The following SAMD8 variants were observed in gnomAD, a reference collection of about 807,000 sequenced individuals.
SAMD8 encodes sphingomyelin synthase-related protein 1.
SAMD8 carries 20 observed loss-of-function variants against 42.0 expected under a neutral mutation model. The observed-to-expected ratio is 0.48, with a 90% confidence interval of 0.34 to 0.69. The LOEUF (loss-of-function observed/expected upper bound fraction) is 0.69. SAMD8 is among the 30% of genes least tolerant of loss of function. SAMD8 has a pLI of 0.01. For synonymous variants in SAMD8, 162 were observed against 173.0 expected (o/e 0.94, Z 0.50); for missense variants, 328 against 511.6 (o/e 0.64, Z 3.46).
intron 1 of SAMD8, among the ~76,000 whole-genome samples, chr10:75,144,942 G>A (rs1015469848): frequency 8.5e-5 from 13 of 152,098 alleles, no homozygotes; most frequent in Non-Finnish European, 5.9e-5. Flanking sequence ...TGCAACCAGC[G>A]CCCTTGAATT....
intron 1 of SAMD8, among the ~76,000 whole-genome samples, chr10:75,130,815 C>T (rs551062917): frequency 2.8e-4 from 43 of 152,260 alleles, no homozygotes; most frequent in Non-Finnish European, 5.0e-4. Flanking sequence ...CTTAACTTTT[C>T]TGTGCCTTCA....
Position 75,178,723 on chromosome 10 carries a change from C to G in SAMD8, c.*2031C>G, listed in dbSNP as rs1481593174. The G allele has an allele frequency of 6.6e-6, 1 of 152,180 alleles. No individual in the cohort carries two copies. The highest frequency in any genetic ancestry group is 1.5e-5 in the Non-Finnish European group (1 of 68,096). 9.4% of individuals were successfully genotyped at this position (152,180 alleles called of 1,614,324 possible). A position where few individuals can be genotyped will look rare whatever the true frequency, so the allele number is the denominator to read the frequency against. On this transcript the variant is annotated 3_prime_UTR_variant, in exon 6 of 6. Coordinates refer to ENST00000542569, the MANE Select transcript of SAMD8 (RefSeq NM_001174156.2). ...CTGCATTCCAGCCCGGGCAAGGTAG[C>G]AAGACCCATTCTCTTAAAAACATGG... is the stretch of plus-strand genomic sequence containing the variant.
chr10:75,138,958 CTTT>C (rs201911661), intron 1 of SAMD8, among the ~76,000 whole-genome samples: 1 of 133,306 alleles, frequency 7.5e-6, no homozygotes. Context: ...GTGGTTTTTT[CTTT>C]TTTTTTTTTT....
Position 75,111,688 on chromosome 10 carries a change from A to T in SAMD8, c.-50A>T. On this transcript the variant is annotated 5_prime_UTR_variant, in exon 1 of 6. Transcript: ENST00000542569. ...GACGGCGGCTCGGACGCCGACTCGGAGGTGGGTCCGGGGAGCCCGACTCGG... is the reference window on the plus strand; with the variant it reads ...GACGGCGGCTCGGACGCCGACTCGGTGGTGGGTCCGGGGAGCCCGACTCGG... 1 of 1,237,350 alleles carries T rather than the reference A, an allele frequency of 8.1e-7. No individual in the cohort carries two copies. The highest frequency in any genetic ancestry group is 1.0e-6 in the Non-Finnish European group (1 of 990,868). The allele number at this position is 1,237,350 out of a possible 1,614,324, so 76.6% of individuals were successfully genotyped here.
intron 1 of SAMD8, among the ~76,000 whole-genome samples, chr10:75,119,318 C>G (rs1190940853): frequency 6.6e-6 from 1 of 152,076 alleles, no homozygotes; most frequent in African/African-American, 2.4e-5. Flanking sequence ...CCATGCCTAG[C>G]TAATTTTTTT....
intron 1 of SAMD8, among the ~76,000 whole-genome samples, chr10:75,130,700 T>C (rs565327964): frequency 6.6e-6 from 1 of 152,288 alleles, no homozygotes; most frequent in East Asian, 1.9e-4. Context: ...ATCATTTAAA[T>C]TATAATAATT....
At chr10:75,138,093 A>G (rs971286728) in intron 1 of SAMD8, among the ~76,000 whole-genome samples, 3 of 152,098 alleles carry the variant, frequency 2.0e-5, no homozygotes, top group Admixed American at 1.3e-4. Flanking sequence ...TCTGTTTTCC[A>G]TATCTCATGA....
At chr10:75,118,950 G>A (rs1214375827) in intron 1 of SAMD8, among the ~76,000 whole-genome samples, 4 of 152,138 alleles carry the variant, frequency 2.6e-5, no homozygotes, top group Non-Finnish European at 5.9e-5. Flanking sequence ...TAAGCTAAAT[G>A]TATTTGATTT....
intron 1 of SAMD8, among the ~76,000 whole-genome samples, chr10:75,100,563 C>G (rs1848096435): frequency 6.6e-6 from 1 of 152,324 alleles, no homozygotes; most frequent in East Asian, 1.9e-4. Context: ...CTCCTTGTCC[C>G]CAGCTGGGTG....
At chr10:75,167,092 CAG>C (rs1200380955) in intron 3 of SAMD8, among the ~76,000 whole-genome samples, 2 of 152,156 alleles carry the variant, frequency 1.3e-5, no homozygotes, top group African/African-American at 4.8e-5. Flanking sequence ...GGTGTTGTCA[CAG>C]TGCAGTTCAT....
At chr10:75,174,701 G>A (rs1840950344) in intron 4 of SAMD8, among the ~76,000 whole-genome samples, 1 of 151,794 alleles carries the variant, frequency 6.6e-6, no homozygotes, top group South Asian at 2.1e-4. Context: ...TCAAAGTGCT[G>A]GGATTATAGG....
At chr10:75,149,072 T>G (rs1564687269) in intron 1 of SAMD8, among the ~76,000 whole-genome samples, 1 of 152,178 alleles carries the variant, frequency 6.6e-6, no homozygotes, top group Non-Finnish European at 1.5e-5. Context: ...GCTTTGAAGT[T>G]TGCCTACCAT....
intron 2 of SAMD8, 75 bp from the exon 3 acceptor site, chr10:75,164,570 G>A: frequency 8.4e-6 from 13 of 1,550,816 alleles, no homozygotes; most frequent in Non-Finnish European, 1.1e-5. Flanking sequence ...ATTATTAAAA[G>A]AGCACCTTAC....
At chr10:75,135,482 C>A (rs997691141) in intron 1 of SAMD8, among the ~76,000 whole-genome samples, 10 of 151,104 alleles carry the variant, frequency 6.6e-5, no homozygotes, top group Non-Finnish European at 1.0e-4. Context: ...ACACTGTACC[C>A]CATAAATGTG....
intron 2 of SAMD8, among the ~76,000 whole-genome samples, chr10:75,153,777 G>A (rs961950939): frequency 4.3e-5 from 6 of 140,636 alleles, no homozygotes; most frequent in Admixed American, 1.4e-4. Context: ...TTTTTTTTTT[G>A]TTTTGTTTTT....
intron 1 of SAMD8, among the ~76,000 whole-genome samples, chr10:75,138,958 C>CTTTTTT (rs201911661): frequency 9.0e-5 from 12 of 133,304 alleles, no homozygotes; most frequent in Non-Finnish European, 9.8e-5. Context: ...GTGGTTTTTT[C>CTTTTTT]TTTTTTTTTT....
chr10:75,100,765 T>G (rs1202073526), intron 1 of SAMD8, among the ~76,000 whole-genome samples: 1 of 152,228 alleles, frequency 6.6e-6, no homozygotes, highest in African/African-American at 2.4e-5. Flanking sequence ...TGCAAGTCCA[T>G]GCACTTCTTT....
chr10:75,103,970 C>A (rs1230717416), intron 1 of SAMD8: 1 of 1,334,380 alleles, frequency 7.5e-7, no homozygotes, highest in African/African-American at 1.5e-5. Flanking sequence ...GGCTCTAGGG[C>A]CGACCCCACG....
intron 1 of SAMD8, among the ~76,000 whole-genome samples, chr10:75,122,612 CAAA>C (rs59709760): frequency 6.0e-5 from 7 of 115,952 alleles, no homozygotes; most frequent in African/African-American, 9.2e-5. Context: ...GACTCTGTCT[CAAA>C]AAAAAAAAAA....
Sources: allele counts gnomAD v4.1 joint callset (sites outside exome capture counted in the v4.1 genomes callset), GRCh38; gene constraint gnomAD v4.1.1; transcripts MANE v1.5; gene names NCBI Gene and HGNC (gene_info 2026-07-23, HGNC 2026-07-21).